PPP2R5C: variants seen among roughly 807,000 people sequenced by gnomAD.
PPP2R5C encodes the protein serine/threonine-protein phosphatase 2A 56 kDa regulatory subunit gamma isoform.
A neutral mutation model predicts 68.9 loss-of-function variants in PPP2R5C; 7 were observed. That is an observed-to-expected ratio of 0.10 (90% CI 0.06 to 0.19). The LOEUF (loss-of-function observed/expected upper bound fraction) is 0.19. PPP2R5C is among the 10% of genes least tolerant of loss of function. The probability of loss-of-function intolerance (pLI) is 1.00; values close to 1 mark genes in which losing one functional copy is unlikely to be tolerated. For missense variants in PPP2R5C, 348 were observed against 641.3 expected (o/e 0.54, Z 4.94); for synonymous variants, 210 against 222.2 (o/e 0.95, Z 0.49).
chr14:101,919,365 A>T (rs2046885322), intron 13 of PPP2R5C, among the ~76,000 whole-genome samples: 1 of 152,238 alleles, frequency 6.6e-6, no homozygotes, highest in African/African-American at 2.4e-5. Flanking sequence ...AGTTGGTTCC[A>T]TATTCTCCTC....
intron 11 of PPP2R5C, 95 bp downstream of exon 13, chr14:101,909,785 C>T: frequency 1.2e-6 from 1 of 814,656 alleles, no homozygotes; most frequent in Non-Finnish European, 1.8e-6. Context: ...CGGTATTCTT[C>T]ACTCGAAAGC....
At chr14:101,855,564 C>G (rs2042370120) in intron 1 of PPP2R5C, among the ~76,000 whole-genome samples, 1 of 152,118 alleles carries the variant, frequency 6.6e-6, no homozygotes, top group South Asian at 2.1e-4. Flanking sequence ...GCTCTTTTGC[C>G]CTTGAATGGT....
intron 1 of PPP2R5C, among the ~76,000 whole-genome samples, chr14:101,815,831 G>A (rs530821305): frequency 7.0e-4 from 106 of 152,176 alleles, no homozygotes; most frequent in African/African-American, 2.4e-3. Context: ...CACCACGCCC[G>A]GCTATTTTTT....
chr14:101,813,101 T>C (rs1025718387), intron 1 of PPP2R5C, among the ~76,000 whole-genome samples: 2 of 152,240 alleles, frequency 1.3e-5, no homozygotes, highest in African/African-American at 4.8e-5. Flanking sequence ...GGAAATGTTC[T>C]GTGCTGTCCT....
intron 1 of PPP2R5C, among the ~76,000 whole-genome samples, chr14:101,856,195 T>C (rs1483576519): frequency 1.3e-5 from 2 of 152,204 alleles, no homozygotes; most frequent in African/African-American, 4.8e-5. Context: ...CCTTCCCATG[T>C]TGTAAGCTGA....
rs903625403 is a variant in PPP2R5C, at chr14:101,812,170, T to A, written c.94+2134T>A. Among the ~76,000 whole-genome samples the A allele has an allele frequency of 5.9e-5, 9 of 152,346 alleles. 1 individual carries two copies. The East Asian group carries it at 1.3e-3, about 23-fold the overall frequency. ...GATTTATTTATTGGGCCTTAGAGTC[T>A]TAGCTTAACATCCATTGAGCAGCTC... On this transcript the variant is annotated intron_variant, in intron 1 of 13. Coordinates refer to ENST00000334743, the Ensembl canonical transcript of PPP2R5C.
At position 101,764,065 on chromosome 14, in the gene PPP2R5C, T is replaced by G. The variant is rs557285367; in HGVS notation, c.93+1095T>G. On this transcript the variant is annotated intron_variant, in intron 2 of 14. Transcript: ENST00000328724. Reference sequence around the variant, plus strand: ...CTTGCGCGTCGGCCACTTGTAAATTTCTTTGCTTCTTGGCTTTGGCCTCAT... The same window carrying G: ...CTTGCGCGTCGGCCACTTGTAAATTGCTTTGCTTCTTGGCTTTGGCCTCAT... Among the ~76,000 whole-genome samples the G allele has an allele frequency of 1.7e-4, 26 of 149,082 alleles. 1 individual carries two copies. In the East Asian group the frequency reaches 4.0e-3, roughly 23 times the overall value.
intron 1 of PPP2R5C, among the ~76,000 whole-genome samples, chr14:101,837,239 GT>G (rs1448314040): frequency 1.7e-4 from 26 of 152,172 alleles, no homozygotes; most frequent in African/African-American, 6.3e-4. Flanking sequence ...CGCCCCTTGG[GT>G]TCAAGCGATT....
intron 1 of PPP2R5C, among the ~76,000 whole-genome samples, chr14:101,840,893 G>A (rs1157491605): frequency 6.6e-6 from 1 of 152,172 alleles, no homozygotes; most frequent in Admixed American, 6.5e-5. Flanking sequence ...GACATGCCTG[G>A]AGAGGATGAA....
chr14:101,812,640 C>T (rs539826559), intron 1 of PPP2R5C, among the ~76,000 whole-genome samples: 7 of 152,308 alleles, frequency 4.6e-5, no homozygotes, highest in African/African-American at 1.4e-4. Context: ...TCCCCAATGC[C>T]TTACCATTTA....
chr14:101,761,781 GGGCGGC>G (rs547036580), upstream of PPP2R5C: 22 of 970,232 alleles, frequency 2.3e-5, no homozygotes, highest in Non-Finnish European at 2.5e-5. Context: ...CTCAGTCCCC[GGGCGGC>G]GGCGGCGGCG....
In PPP2R5C at chr14:101,883,570, A is replaced by C; in HGVS notation, c.629+8A>C. 2 of 1,611,332 alleles carry C rather than the reference A, an allele frequency of 1.2e-6. 1 individual carries two copies. The highest frequency in any genetic ancestry group is 4.5e-5 in the East Asian group (2 of 44,874). ...AAATAATATATTTTATAGGTAAGTCACGTGTGGATGGCGTTGTCCTTGTGT... is the reference window on the plus strand; with the variant it reads ...AAATAATATATTTTATAGGTAAGTCCCGTGTGGATGGCGTTGTCCTTGTGT... On this transcript the variant is annotated splice_region_variant and intron_variant, in intron 5 of 13. Coordinates refer to ENST00000334743, the Ensembl canonical transcript of PPP2R5C.
At chr14:101,808,272 G>C (rs569619176), upstream of PPP2R5C, among the ~76,000 whole-genome samples, 16 of 151,902 alleles carry the variant, frequency 1.1e-4, no homozygotes, top group African/African-American at 3.6e-4. Flanking sequence ...CTGAAAGCAC[G>C]TGCTCTTTAA....
intron 1 of PPP2R5C, among the ~76,000 whole-genome samples, chr14:101,854,680 G>A (rs922915098): frequency 1.8e-4 from 28 of 152,284 alleles, no homozygotes; most frequent in Middle Eastern, 3.4e-3. Flanking sequence ...AGGCTGGCAT[G>A]GGGCAGTGGG....
chr14:101,909,459 C>T, intron 10 of PPP2R5C, 130 bp from the exon 13 acceptor site: 1 of 543,008 alleles, frequency 1.8e-6, no homozygotes, highest in South Asian at 2.7e-5. Context: ...AATGAGCAGG[C>T]CTTGCATTTT....
At chr14:101,894,443 TAGA>T (rs1160182200) in intron 7 of PPP2R5C, 61 bp from the exon 10 acceptor site, 226 of 1,498,252 alleles carry the variant, frequency 1.5e-4, no homozygotes, top group Admixed American at 3.9e-4. Flanking sequence ...ACGATGATTC[TAGA>T]AGAAGCACAG....
chr14:101,851,230 A>G (rs2042139246), intron 1 of PPP2R5C, among the ~76,000 whole-genome samples: 4 of 152,180 alleles, frequency 2.6e-5, no homozygotes, highest in Admixed American at 2.0e-4. Flanking sequence ...CCAGGAGTTC[A>G]GGACCAGCCT....
intron 2 of PPP2R5C, among the ~76,000 whole-genome samples, chr14:101,874,548 G>A (rs887216219): frequency 6.6e-6 from 1 of 152,074 alleles, no homozygotes; most frequent in Non-Finnish European, 1.5e-5. Flanking sequence ...TAAGTATTAT[G>A]AATTATTTCT....
At position 101,886,236 on chromosome 14, in the gene PPP2R5C, G is replaced by A. The variant is rs192803030; in HGVS notation, c.629+2674G>A. 5.3e-5 allele frequency among the ~76,000 whole-genome samples: 8 copies of A among 151,172 alleles called. No individual in the cohort carries two copies. The East Asian group carries it at 5.9e-4, about 11-fold the overall frequency. ...GCGGAGCTTACAGTGAGCCGAGATC[G>A]TGCCACTGCACTCCAGCCTGGGCGA... is the stretch of plus-strand genomic sequence containing the variant. On this transcript the variant is annotated intron_variant, in intron 5 of 13. Transcript: ENST00000334743.
Sources: allele counts gnomAD v4.1 joint callset (sites outside exome capture counted in the v4.1 genomes callset), GRCh38; gene constraint gnomAD v4.1.1; transcripts MANE v1.5; gene names NCBI Gene and HGNC (gene_info 2026-07-23, HGNC 2026-07-21).